ITGA2: variants seen among roughly 807,000 people sequenced by gnomAD.
ITGA2 encodes the protein integrin alpha-2.
In ITGA2, 101 loss-of-function variants were observed where a neutral mutation model predicts 146.3. The observed-to-expected ratio is 0.69, with a 90% CI of 0.59 to 0.81. The LOEUF (loss-of-function observed/expected upper bound fraction) is 0.81, where lower values mean the gene tolerates loss of function less well. ITGA2 is among the 40% of genes least tolerant of loss of function. The pLI is 0.00. For missense variants in ITGA2, 1,281 were observed against 1,402.7 expected, an observed-to-expected ratio of 0.91 and a Z score of 1.39; for synonymous variants, 477 against 487.1, an observed-to-expected ratio of 0.98 and a Z score of 0.27.
intron 2 of ITGA2, among the ~76,000 whole-genome samples, chr5:53,027,563 TGAG>T (rs1296822803): frequency 3.3e-5 from 5 of 152,048 alleles, no homozygotes; most frequent in Admixed American, 6.5e-5. Context: ...CCCAGAGAAA[TGAG>T]GTAATTTGAA....
intron 17 of ITGA2, among the ~76,000 whole-genome samples, chr5:53,070,673 A>G (rs1745350240): frequency 6.6e-6 from 1 of 151,944 alleles, no homozygotes; most frequent in African/African-American, 2.4e-5. Context: ...TTAAGTTAAC[A>G]TAGATGAAAT....
chr5:53,061,895 G>A (rs184312886), intron 12 of ITGA2, among the ~76,000 whole-genome samples: 5 of 151,952 alleles, frequency 3.3e-5, no homozygotes, highest in East Asian at 1.9e-4. Flanking sequence ...CTTGACTTCC[G>A]TGACCACAAA....
At chr5:53,006,193 T>C (rs1192305260) in intron 1 of ITGA2, among the ~76,000 whole-genome samples, 2 of 152,180 alleles carry the variant, frequency 1.3e-5, no homozygotes, top group Non-Finnish European at 2.9e-5. Context: ...AACCTGCACA[T>C]TCTGCACATG....
At chr5:53,002,642 C>A (rs1741639817) in intron 1 of ITGA2, among the ~76,000 whole-genome samples, 1 of 152,180 alleles carries the variant, frequency 6.6e-6, no homozygotes, top group Non-Finnish European at 1.5e-5. Flanking sequence ...TTGCCCCCCA[C>A]TGTAAATAAT....
At chr5:53,039,308 A>AG (rs1279274460) in intron 2 of ITGA2, among the ~76,000 whole-genome samples, 1 of 138,892 alleles carries the variant, frequency 7.2e-6, no homozygotes, top group Non-Finnish European at 1.6e-5. Context: ...CTTTTGTTTG[A>AG]GAAAAAAAAT....
intron 1 of ITGA2, among the ~76,000 whole-genome samples, chr5:52,997,394 T>A (rs972276756): frequency 3.0e-4 from 45 of 152,210 alleles, no homozygotes; most frequent in African/African-American, 1.1e-3. Context: ...CTGAAAGGCT[T>A]TCTGTATAAA....
At chr5:53,020,785 G>T (rs1742642376) in intron 1 of ITGA2, among the ~76,000 whole-genome samples, 1 of 151,244 alleles carries the variant, frequency 6.6e-6, no homozygotes, top group Non-Finnish European at 1.5e-5. Flanking sequence ...GGGCTCAAGT[G>T]ATTAACCTGC....
intron 9 of ITGA2, among the ~76,000 whole-genome samples, chr5:53,056,885 T>G (rs1235698342): frequency 6.6e-6 from 1 of 151,882 alleles, no homozygotes; most frequent in African/African-American, 2.4e-5. Context: ...GAATAACTCT[T>G]TGCAATAAAG....
Position 53,081,683 on chromosome 5 carries a change from A to G in ITGA2, c.3131A>G (p.His1044Arg), listed in dbSNP as rs190708768. The G allele has an allele frequency of 6.2e-7, 1 of 1,610,468 alleles. No individual in the cohort carries two copies. Among genetic ancestry groups the G allele is most frequent in the East Asian group, 2.2e-5 (1 of 44,704 alleles). Residue 1044 changes from histidine to arginine, a missense_variant, in exon 26 of 30, where the codon CAC (histidine) becomes CGC (arginine). By Grantham distance (29) the His-to-Arg change is conservative (BLOSUM62 0). This residue lies in a region of ITGA2 where 475 missense variants were observed against 530.5 expected (regional missense o/e 0.90). Coordinates refer to ENST00000296585, the MANE Select transcript of ITGA2 (RefSeq NM_002203.4). ...SVSFKSENFRHTKELNCRTAS... is the reference protein window; with the variant it reads ...SVSFKSENFRRTKELNCRTAS... ...TCTTTCAAAAGTGAAAATTTCAGGC[A>G]CACCAAAGAATTGGTGAGGACAAGT...
intron 10 of ITGA2, 65 bp from the exon 11 acceptor site, chr5:53,059,809 T>A (rs1378089024): frequency 6.9e-7 from 1 of 1,451,000 alleles, no homozygotes; most frequent in East Asian, 2.3e-5. Flanking sequence ...ATGTTTTGCC[T>A]ACCCTGCATT....
At chr5:53,087,618 C>T (rs1039349554) in intron 28 of ITGA2, among the ~76,000 whole-genome samples, 3 of 137,494 alleles carry the variant, frequency 2.2e-5, no homozygotes, top group African/African-American at 5.4e-5. Context: ...TAAATGGTCC[C>T]CTTGATAAAA....
intron 3 of ITGA2, among the ~76,000 whole-genome samples, chr5:53,043,543 A>T (rs1311791352): frequency 6.6e-6 from 1 of 152,200 alleles, no homozygotes; most frequent in Non-Finnish European, 1.5e-5. Context: ...GAAAATAGAT[A>T]ACAAAGAATT....
rs757268701 is a variant in ITGA2 at position 53,073,174 on chromosome 5, T to G, written c.2486T>G (p.Leu829Arg). 7.4e-6 allele frequency: 12 copies of G among 1,612,492 alleles called. No individual in the cohort carries two copies. The highest frequency in any genetic ancestry group is 1.7e-4 in the Middle Eastern group (1 of 6,048). Residue 829 changes from leucine (L) to arginine (R), a missense_variant, in exon 20 of 30, where the codon CTG (leucine) becomes CGG (arginine). This residue lies in a region of ITGA2 where 475 missense variants were observed against 530.5 expected (regional missense o/e 0.90). Coordinates refer to ENST00000296585, the MANE Select transcript of ITGA2 (RefSeq NM_002203.4). Reference sequence around the variant, plus strand: ...AAAAGGTTAACATTTTCAGTAACGCTGAAAAATAAAAGGGAAAGTGCATAC... The same window carrying G: ...AAAAGGTTAACATTTTCAGTAACGCGGAAAAATAAAAGGGAAAGTGCATAC... The part of the protein sequence containing the change: ...QNKRLTFSVT[L>R]KNKRESAYNT...
chr5:53,023,434 C>G (rs1414366959), intron 1 of ITGA2, among the ~76,000 whole-genome samples: 1 of 152,214 alleles, frequency 6.6e-6, no homozygotes, highest in Non-Finnish European at 1.5e-5. Flanking sequence ...GATTTACCCT[C>G]TTCTCAATAC....
intron 28 of ITGA2, among the ~76,000 whole-genome samples, chr5:53,087,988 A>G (rs950988978): frequency 1.1e-4 from 16 of 152,188 alleles, no homozygotes; most frequent in African/African-American, 3.9e-4. Flanking sequence ...CTCTTGTCCA[A>G]GGGAAAATGA....
At chr5:53,061,431 G>T (rs1359987611) in intron 12 of ITGA2, among the ~76,000 whole-genome samples, 4 of 151,900 alleles carry the variant, frequency 2.6e-5, no homozygotes, top group Admixed American at 2.6e-4. Flanking sequence ...TGCTTTGTAG[G>T]TAAGCACACA....
Position 53,090,805 on chromosome 5 carries a change from T to C in ITGA2, c.*206T>C, listed in dbSNP as rs1270240792. On this transcript the variant is annotated 3_prime_UTR_variant, in exon 30 of 30. Transcript: ENST00000296585. ...GTGCGGGGGGCAGGTAGGGAAATAA[T>C]AGGGAAAATACCTATTTTATATGAT... 2 of 611,562 alleles carry C rather than the reference T, an allele frequency of 3.3e-6. No homozygotes were observed. Among genetic ancestry groups the C allele is most frequent in the African/African-American group, 1.9e-5 (1 of 53,574 alleles). 37.9% of individuals were successfully genotyped at this position (611,562 alleles called of 1,614,324 possible).
At chr5:53,068,638 T>C (rs1745252426) in intron 16 of ITGA2, among the ~76,000 whole-genome samples, 1 of 151,906 alleles carries the variant, frequency 6.6e-6, no homozygotes, top group Admixed American at 6.6e-5. Context: ...TAAATCTTTT[T>C]TCCTGATGCC....
intron 2 of ITGA2, among the ~76,000 whole-genome samples, chr5:53,028,086 A>G (rs1174685364): frequency 6.6e-6 from 1 of 152,158 alleles, no homozygotes; most frequent in Non-Finnish European, 1.5e-5. Flanking sequence ...GTCTCAAAAA[A>G]AAAAGAGGAA....
Sources: allele counts gnomAD v4.1 joint callset (sites outside exome capture counted in the v4.1 genomes callset), GRCh38; gene constraint gnomAD v4.1.1; regional missense constraint gnomAD v4.1.1; transcripts MANE v1.5; gene names NCBI Gene and HGNC (gene_info 2026-07-23, HGNC 2026-07-21).